FOXP2: variants seen among roughly 807,000 people sequenced by gnomAD.
The protein encoded by FOXP2 is forkhead box protein P2.
In FOXP2, 12 loss-of-function variants were observed where a neutral mutation model predicts 115.8. The observed-to-expected ratio is 0.10, with a 90% CI of 0.07 to 0.17. The LOEUF (loss-of-function observed/expected upper bound fraction) is 0.17. Among genes scored for constraint, FOXP2 ranks in the 10% least tolerant of loss-of-function variants. The probability of loss-of-function intolerance (pLI) is 1.00; values close to 1 mark genes in which losing one functional copy is unlikely to be tolerated. For synonymous variants in FOXP2, 328 were observed against 297.7 expected (o/e 1.10, Z -1.05); for missense variants, 629 against 843.5 (o/e 0.75, Z 3.15).
At chr7:114,131,206 G>A (rs1224471669) in intron 1 of FOXP2, among the ~76,000 whole-genome samples, 2 of 152,158 alleles carry the variant, frequency 1.3e-5, no homozygotes, top group African/African-American at 4.8e-5. Flanking sequence ...ATAAAAGGCT[G>A]TATTAGAATT....
chr7:114,525,293 A>G (rs1266551513), intron 2 of FOXP2, among the ~76,000 whole-genome samples: 1 of 152,134 alleles, frequency 6.6e-6, no homozygotes, highest in Non-Finnish European at 1.5e-5. Flanking sequence ...ACTACTTTAT[A>G]CTTTAGCTTT....
chr7:114,157,381 A>C (rs929021283), intron 1 of FOXP2, among the ~76,000 whole-genome samples: 5 of 152,082 alleles, frequency 3.3e-5, no homozygotes, highest in Admixed American at 2.6e-4. Flanking sequence ...ATGGTAATTA[A>C]ATTGAGGCTT....
chr7:114,671,266 A>G (rs1334514375), intron 16 of FOXP2, among the ~76,000 whole-genome samples: 2 of 151,852 alleles, frequency 1.3e-5, no homozygotes, highest in Non-Finnish European at 2.9e-5. Context: ...CAGTCCCCAT[A>G]TGTGGCACTT....
At chr7:114,145,607 C>G (rs1226558633) in intron 1 of FOXP2, among the ~76,000 whole-genome samples, 1 of 151,922 alleles carries the variant, frequency 6.6e-6, no homozygotes, top group Non-Finnish European at 1.5e-5. Flanking sequence ...CCTGCCTCAG[C>G]CTCCCGAGTA....
chr7:114,371,673 C>T (rs894882523), intron 2 of FOXP2, among the ~76,000 whole-genome samples: 3 of 151,958 alleles, frequency 2.0e-5, no homozygotes, highest in African/African-American at 7.3e-5. Flanking sequence ...ATGTTTAGTG[C>T]CCCTTTCTGC....
At chr7:114,104,531 G>A (rs976944986) in intron 1 of FOXP2, among the ~76,000 whole-genome samples, 1 of 151,942 alleles carries the variant, frequency 6.6e-6, no homozygotes, top group Non-Finnish European at 1.5e-5. Context: ...AAATGTAATT[G>A]AAAAACTATT....
intron 3 of FOXP2, among the ~76,000 whole-genome samples, chr7:114,545,854 C>G (rs576946195): frequency 6.6e-6 from 1 of 152,174 alleles, no homozygotes; most frequent in East Asian, 1.9e-4. Context: ...TTGGTGAAGT[C>G]TCCTTTAATA....
intron 3 of FOXP2, among the ~76,000 whole-genome samples, chr7:114,567,683 C>T (rs564768650): frequency 6.6e-6 from 1 of 151,960 alleles, no homozygotes; most frequent in Non-Finnish European, 1.5e-5. Flanking sequence ...AGGTTGCCTC[C>T]CGGAGATCCA....
At chr7:114,550,275 G>A (rs1029586758) in intron 3 of FOXP2, among the ~76,000 whole-genome samples, 2 of 151,740 alleles carry the variant, frequency 1.3e-5, no homozygotes, top group Non-Finnish European at 2.9e-5. Context: ...CCTCCACCAC[G>A]CCCGGCTAAT....
intron 3 of FOXP2, among the ~76,000 whole-genome samples, chr7:114,538,978 T>C (rs1212935775): frequency 6.6e-6 from 1 of 151,902 alleles, no homozygotes; most frequent in African/African-American, 2.4e-5. Flanking sequence ...TTATGAGAAA[T>C]GTAAGCTACA....
intron 1 of FOXP2, among the ~76,000 whole-genome samples, chr7:114,097,652 A>G (rs996912591): frequency 6.6e-6 from 1 of 152,172 alleles, no homozygotes; most frequent in Non-Finnish European, 1.5e-5. Flanking sequence ...TCTTCACCAT[A>G]GTTCTCCACC....
At chr7:114,213,672 C>T (rs1300278438) in intron 1 of FOXP2, among the ~76,000 whole-genome samples, 1 of 152,132 alleles carries the variant, frequency 6.6e-6, no homozygotes, top group Non-Finnish European at 1.5e-5. Context: ...GTTGACTCTT[C>T]AATATGACCC....
intron 7 of FOXP2, 139 bp downstream of exon 7, chr7:114,642,762 T>C: frequency 3.1e-6 from 1 of 320,868 alleles, no homozygotes; most frequent in South Asian, 3.8e-5. Flanking sequence ...TTAGATTATT[T>C]ATCTTATTTT....
intron 2 of FOXP2, among the ~76,000 whole-genome samples, chr7:114,350,446 A>G (rs1562882220): frequency 1.3e-5 from 2 of 152,120 alleles, no homozygotes. Flanking sequence ...TGCTGATGCT[A>G]TTTTTAATAC....
Position 114,267,524 on chromosome 7 carries a change from C to G in FOXP2, c.-101-20495C>G, listed in dbSNP as rs185672766. On this transcript the variant is annotated intron_variant, in intron 1 of 17. Transcript: ENST00000634411. ...CAAGCAGATCACGAGTTCAGGAGAT[C>G]GAGACCATCCTGGCTAACACGGTGA... 3.4e-3 allele frequency among the ~76,000 whole-genome samples: 514 copies of G among 151,702 alleles called. 4 individuals carry two copies. Among genetic ancestry groups the G allele is most frequent in the African/African-American group, 0.012 (493 of 41,390 alleles).
rs375085543 is a variant in FOXP2, at chr7:114,592,460, T to C, written c.259-36080T>C. On this transcript the variant is annotated intron_variant, in intron 3 of 16. Transcript: ENST00000350908. ...TTTAAAAGCAGATACAAATGGCTAC[T>C]CTTAATTTATATCTCCTCTTTGCCT... is the stretch of plus-strand genomic sequence containing the variant. Among the ~76,000 whole-genome samples the C allele has an allele frequency of 6.2e-4, 94 of 152,170 alleles. 1 individual carries two copies. The South Asian group carries it at 0.019, about 31-fold the overall frequency.
intron 2 of FOXP2, among the ~76,000 whole-genome samples, chr7:114,326,266 A>C (rs1797555455): frequency 6.6e-6 from 1 of 152,122 alleles, no homozygotes; most frequent in South Asian, 2.1e-4. Context: ...CAAGAACATA[A>C]GGTTCAGAAA....
At chr7:114,611,143 A>T (rs1803605785) in intron 3 of FOXP2, among the ~76,000 whole-genome samples, 1 of 152,206 alleles carries the variant, frequency 6.6e-6, no homozygotes, top group African/African-American at 2.4e-5. Context: ...TTCTTTATGA[A>T]TGTGCCAAAA....
At chr7:114,298,438 C>T (rs1436322820) in intron 2 of FOXP2, among the ~76,000 whole-genome samples, 2 of 152,096 alleles carry the variant, frequency 1.3e-5, no homozygotes, top group Admixed American at 6.6e-5. Flanking sequence ...ATAATAAAAA[C>T]GATAATAGTA....
Sources: allele counts gnomAD v4.1 joint callset (sites outside exome capture counted in the v4.1 genomes callset), GRCh38; gene constraint gnomAD v4.1.1; transcripts MANE v1.5; gene names NCBI Gene and HGNC (gene_info 2026-07-23, HGNC 2026-07-21).